The following MBD5 variants were observed in gnomAD, a reference collection of about 807,000 sequenced individuals.
MBD5 encodes the protein methyl-CpG binding domain protein 5.
Under a neutral mutation model 117.3 loss-of-function variants are expected in MBD5, and 13 were observed. The observed-to-expected ratio is 0.11, with a 90% CI of 0.07 to 0.18. The LOEUF is 0.18. Ranked by LOEUF, MBD5 falls within the 10% of genes least tolerant of loss-of-function variation. The pLI, the probability that MBD5 is intolerant of heterozygous loss-of-function variation, is 1.00. For synonymous variants in MBD5, 727 were observed against 766.4 expected, an observed-to-expected ratio of 0.95 and a Z score of 0.85; for missense variants, 1,879 against 2,093.8, an observed-to-expected ratio of 0.90 and a Z score of 2.00.
At chr2:148,220,647 G>A (rs1180372689) in intron 2 of MBD5, among the ~76,000 whole-genome samples, 1 of 151,802 alleles carries the variant, frequency 6.6e-6, no homozygotes, top group African/African-American at 2.4e-5. Context: ...GTATATATTT[G>A]TACGATATAT....
chr2:148,113,544 C>G (rs16828267), intron 1 of MBD5, among the ~76,000 whole-genome samples: 1,876 of 152,204 alleles, frequency 0.012, 45 homozygotes, highest in African/African-American at 0.043. Context: ...TCTTCTGTTC[C>G]AGAGGAATGT....
chr2:148,245,937 TGTAAA>T (rs1158063511), intron 3 of MBD5, among the ~76,000 whole-genome samples: 1 of 152,226 alleles, frequency 6.6e-6, no homozygotes, highest in East Asian at 1.9e-4. Context: ...TTTGCTTAGC[TGTAAA>T]GTATAGATGA....
chr2:148,408,615 A>C (rs35466672), intron 4 of MBD5, among the ~76,000 whole-genome samples: 71 of 152,148 alleles, frequency 4.7e-4, no homozygotes, highest in Non-Finnish European at 7.6e-4. Flanking sequence ...TTGCTGTAAA[A>C]CATTAACATC....
chr2:148,496,703 A>AC (rs1268954038), intron 11 of MBD5, among the ~76,000 whole-genome samples: 1 of 152,150 alleles, frequency 6.6e-6, no homozygotes, highest in Non-Finnish European at 1.5e-5. Context: ...GAATGGATTT[A>AC]CCCCCGTCCT....
intron 4 of MBD5, among the ~76,000 whole-genome samples, chr2:148,441,425 G>A (rs1706319929): frequency 1.3e-5 from 2 of 152,010 alleles, no homozygotes; most frequent in Non-Finnish European, 2.9e-5. Flanking sequence ...TCCCTACAAA[G>A]GACATGAACT....
At chr2:148,404,130 T>G (rs970625427) in intron 4 of MBD5, among the ~76,000 whole-genome samples, 8 of 151,614 alleles carry the variant, frequency 5.3e-5, no homozygotes, top group African/African-American at 1.9e-4. Context: ...ATTATGGGTT[T>G]TTTTTTTTTC....
chr2:148,313,753 C>T (rs746711833), intron 3 of MBD5, among the ~76,000 whole-genome samples: 12 of 152,122 alleles, frequency 7.9e-5, no homozygotes, highest in Non-Finnish European at 1.6e-4. Context: ...TGCTTGAAAC[C>T]CAGGGCCCTA....
At chr2:148,305,780 G>A (rs531365271) in intron 3 of MBD5, among the ~76,000 whole-genome samples, 2 of 152,172 alleles carry the variant, frequency 1.3e-5, no homozygotes. Flanking sequence ...TAGAATGTTA[G>A]TTTGGACAGT....
In MBD5 at chr2:148,189,012, T is replaced by C. The variant is rs1383667395; in HGVS notation, c.-831+10219T>C. On this transcript the variant is annotated intron_variant, in intron 2 of 13. Transcript: ENST00000642680. The stretch of plus-strand genomic sequence containing the variant: ...AGGGGTGACGGACGCACCTGGAAAA[T>C]CGGGTCACTCCCACCCGAATATTGC... Among the ~76,000 whole-genome samples, 5 of 146,930 alleles carry C rather than the reference T, an allele frequency of 3.4e-5. 1 individual carries two copies. Among genetic ancestry groups the C allele is most frequent in the Admixed American group, 2.7e-4 (4 of 14,764 alleles).
intron 2 of MBD5, among the ~76,000 whole-genome samples, chr2:148,229,025 G>A (rs866133111): frequency 6.6e-6 from 1 of 151,758 alleles, no homozygotes; most frequent in South Asian, 2.1e-4. Flanking sequence ...TCTTGCTAGT[G>A]GTCTATCAAT....
At chr2:148,047,864 A>G (rs1218095405) in intron 1 of MBD5, among the ~76,000 whole-genome samples, 1 of 152,222 alleles carries the variant, frequency 6.6e-6, no homozygotes, top group African/African-American at 2.4e-5. Context: ...AGAGAACAGC[A>G]TGTGCAAAGA....
Position 148,076,900 on chromosome 2 carries a change from T to C in MBD5, c.-925+55216T>C, listed in dbSNP as rs142218347. ...ACCACAAGTAATTTTATATTGGAGATTGGCAAACTATTGCCTACAGGCCAC... is the reference window on the plus strand; with the variant it reads ...ACCACAAGTAATTTTATATTGGAGACTGGCAAACTATTGCCTACAGGCCAC... On this transcript the variant is annotated intron_variant, in intron 1 of 13. Coordinates refer to ENST00000642680, the MANE Select transcript of MBD5 (RefSeq NM_001378120.1). Among the ~76,000 whole-genome samples, 31 of 152,356 alleles carry C rather than the reference T, an allele frequency of 2.0e-4. 1 individual carries two copies. In the East Asian group the frequency reaches 3.3e-3, roughly 16 times the overall value.
At chr2:148,417,888 G>GATCT (rs1705473555) in intron 4 of MBD5, among the ~76,000 whole-genome samples, 1 of 151,688 alleles carries the variant, frequency 6.6e-6, no homozygotes. Flanking sequence ...TACCCATTCT[G>GATCT]GAATACAGTG....
chr2:148,461,729 A>G (rs978035796), intron 5 of MBD5, among the ~76,000 whole-genome samples: 1 of 152,218 alleles, frequency 6.6e-6, no homozygotes, highest in Non-Finnish European at 1.5e-5. Context: ...TCCATCTCAC[A>G]TAAAATAACT....
intron 1 of MBD5, among the ~76,000 whole-genome samples, chr2:148,030,736 G>A (rs1327138614): frequency 6.6e-6 from 1 of 152,120 alleles, no homozygotes; most frequent in Non-Finnish European, 1.5e-5. Flanking sequence ...GATTTTTGAT[G>A]AGAAAATATA....
At chr2:148,178,358 A>G (rs182564358) in intron 1 of MBD5, among the ~76,000 whole-genome samples, 1 of 152,178 alleles carries the variant, frequency 6.6e-6, no homozygotes, top group African/African-American at 2.4e-5. Context: ...ATTTTTTAGA[A>G]TGGGGCTCTG....
At chr2:148,463,976 A>G in intron 7 of MBD5, 57 bp downstream of exon 7, 1 of 1,568,524 alleles carries the variant, frequency 6.4e-7, no homozygotes, top group Non-Finnish European at 8.7e-7. Flanking sequence ...AGGAGTTGCT[A>G]GAAATCATTT....
At chr2:148,080,942 G>A (rs761738308) in intron 1 of MBD5, among the ~76,000 whole-genome samples, 42 of 152,030 alleles carry the variant, frequency 2.8e-4, no homozygotes, top group Non-Finnish European at 4.9e-4. Context: ...GAATAAATAC[G>A]TTTTAACAAA....
At chr2:148,144,643 T>A (rs1017021139) in intron 1 of MBD5, among the ~76,000 whole-genome samples, 3 of 152,216 alleles carry the variant, frequency 2.0e-5, no homozygotes, top group Non-Finnish European at 2.9e-5. Flanking sequence ...AAGGAAGGGA[T>A]CCAGTTTCAG....
Sources: gnomAD v4.1 joint callset for allele counts (sites outside exome capture counted in the v4.1 genomes callset) on GRCh38, gnomAD v4.1.1 for gene constraint, MANE v1.5 for transcripts, NCBI Gene and HGNC (gene_info 2026-07-23, HGNC 2026-07-21) for gene names.